The following CLSTN2 variants were observed in gnomAD, a reference collection of about 807,000 sequenced individuals.
CLSTN2 encodes calsyntenin-2.
Under a neutral mutation model 101.2 loss-of-function variants are expected in CLSTN2, and 48 were observed. The observed-to-expected ratio is 0.47, with a 90% CI of 0.38 to 0.60. CLSTN2 has a LOEUF of 0.60. Among genes scored for constraint, CLSTN2 ranks in the 20% least tolerant of loss-of-function variants. The probability of loss-of-function intolerance (pLI) is 0.00; values close to 1 mark genes in which losing one functional copy is unlikely to be tolerated. For synonymous variants in CLSTN2, 481 were observed against 463.6 expected (o/e 1.04, Z -0.48); for missense variants, 1,160 against 1,238.2 (o/e 0.94, Z 0.95).
chr3:139,938,809 T>G (rs947988409), intron 1 of CLSTN2, among the ~76,000 whole-genome samples: 25 of 152,302 alleles, frequency 1.6e-4, no homozygotes, highest in African/African-American at 6.0e-4. Context: ...TAGAGGTCAT[T>G]TGGAACAATA....
chr3:140,437,194 G>T (rs1209936726), intron 5 of CLSTN2, among the ~76,000 whole-genome samples: 1 of 151,890 alleles, frequency 6.6e-6, no homozygotes, highest in Non-Finnish European at 1.5e-5. Flanking sequence ...GACTAGAGTT[G>T]CCCACCACCA....
chr3:140,100,919 C>A (rs1284628253), intron 1 of CLSTN2, among the ~76,000 whole-genome samples: 2 of 152,146 alleles, frequency 1.3e-5, no homozygotes, highest in African/African-American at 2.4e-5. Context: ...AGAAGTCAAG[C>A]CTGCCTTTAT....
intron 11 of CLSTN2, 181 bp downstream of exon 11, chr3:140,556,842 G>A: frequency 1.7e-6 from 1 of 601,310 alleles, no homozygotes; most frequent in Non-Finnish European, 2.9e-6. Flanking sequence ...TCCTAAGCAA[G>A]ATGTTCTGTT....
At chr3:140,157,340 G>T (rs2009971993) in intron 1 of CLSTN2, among the ~76,000 whole-genome samples, 1 of 152,124 alleles carries the variant, frequency 6.6e-6, no homozygotes, top group African/African-American at 2.4e-5. Context: ...ATGTCTGGTA[G>T]AATTCAGCTG....
intron 1 of CLSTN2, among the ~76,000 whole-genome samples, chr3:140,174,926 G>T (rs995095553): frequency 5.9e-5 from 9 of 152,168 alleles, no homozygotes; most frequent in African/African-American, 2.2e-4. Context: ...CAAGGTGTTG[G>T]CAGGTCCAGG....
intron 1 of CLSTN2, among the ~76,000 whole-genome samples, chr3:140,076,951 C>T (rs1040761160): frequency 1.3e-5 from 2 of 152,242 alleles, no homozygotes; most frequent in South Asian, 4.1e-4. Context: ...AATATGCCCG[C>T]CCAGGCACTG....
intron 1 of CLSTN2, among the ~76,000 whole-genome samples, chr3:140,074,825 T>G (rs895550452): frequency 2.6e-5 from 4 of 152,206 alleles, no homozygotes; most frequent in African/African-American, 9.6e-5. Context: ...AAGTTCTCCT[T>G]GTGGGATCCA....
chr3:139,973,843 T>C (rs1935764851), intron 1 of CLSTN2, among the ~76,000 whole-genome samples: 1 of 152,114 alleles, frequency 6.6e-6, no homozygotes, highest in African/African-American at 2.4e-5. Flanking sequence ...TCTCTCTTTG[T>C]TGCCTAGGCT....
At chr3:140,398,508 A>G (rs902459317) in intron 2 of CLSTN2, among the ~76,000 whole-genome samples, 3 of 152,190 alleles carry the variant, frequency 2.0e-5, no homozygotes, top group Admixed American at 2.0e-4. Flanking sequence ...TAATATGATG[A>G]TCACTTTGAC....
chr3:140,143,643 G>A (rs1307870212), intron 1 of CLSTN2, among the ~76,000 whole-genome samples: 1 of 152,218 alleles, frequency 6.6e-6, no homozygotes, highest in East Asian at 1.9e-4. Context: ...CTCTGTTGTG[G>A]AGGGATGTTT....
At chr3:140,396,041 A>G (rs1474362682) in intron 2 of CLSTN2, among the ~76,000 whole-genome samples, 1 of 152,228 alleles carries the variant, frequency 6.6e-6, no homozygotes, top group East Asian at 1.9e-4. Context: ...AGTGTTTCTC[A>G]AAAGAACCCT....
chr3:140,019,659 T>C (rs1007477836), intron 1 of CLSTN2, among the ~76,000 whole-genome samples: 1 of 152,076 alleles, frequency 6.6e-6, no homozygotes, highest in African/African-American at 2.4e-5. Flanking sequence ...AAGGATATGA[T>C]TGGGTTTGCA....
intron 12 of CLSTN2, 57 bp from the exon 13 acceptor site, chr3:140,562,080 AG>A: frequency 6.6e-7 from 1 of 1,509,596 alleles, no homozygotes. Flanking sequence ...GTGATTAGCA[AG>A]GGCTGTTTTC....
At chr3:140,067,356 G>T (rs2008316902) in intron 1 of CLSTN2, among the ~76,000 whole-genome samples, 1 of 151,864 alleles carries the variant, frequency 6.6e-6, no homozygotes, top group Non-Finnish European at 1.5e-5. Context: ...CTCCATTGAT[G>T]GGGTGATTCA....
In CLSTN2 at chr3:140,448,513, G is replaced by C. The variant is rs369746081; in HGVS notation, c.788-6G>C. On this transcript the variant is annotated splice_region_variant and splice_polypyrimidine_tract_variant and intron_variant, in intron 5 of 16. Coordinates refer to ENST00000458420, the MANE Select transcript of CLSTN2 (RefSeq NM_022131.3). ...TTCACTTTTCATCCTTTCCTTGTTT[G>C]TTTAGACTGGACCAAGAGGATTGAG... is the stretch of plus-strand genomic sequence containing the variant. The C allele has an allele frequency of 6.2e-7, 1 of 1,608,600 alleles. No individual in the cohort carries two copies. The highest frequency in any genetic ancestry group is 8.5e-7 in the Non-Finnish European group (1 of 1,175,658).
chr3:140,455,971 G>T (rs1190048162), intron 6 of CLSTN2, among the ~76,000 whole-genome samples: 1 of 152,198 alleles, frequency 6.6e-6, no homozygotes, highest in Non-Finnish European at 1.5e-5. Context: ...TTATGGCTTT[G>T]CCAGGGCATA....
chr3:140,468,700 C>G (rs570476552), intron 8 of CLSTN2, among the ~76,000 whole-genome samples: 75 of 152,296 alleles, frequency 4.9e-4, no homozygotes, highest in Admixed American at 4.1e-3. Flanking sequence ...GTAGGACCTG[C>G]CCTTTCCATT....
At chr3:140,291,485 G>A (rs2086952672) in intron 2 of CLSTN2, among the ~76,000 whole-genome samples, 1 of 151,602 alleles carries the variant, frequency 6.6e-6, no homozygotes, top group Non-Finnish European at 1.5e-5. Flanking sequence ...TGCATTCTGT[G>A]ATTCCATTGT....
intron 2 of CLSTN2, among the ~76,000 whole-genome samples, chr3:140,368,994 G>A (rs756490779): frequency 6.6e-6 from 1 of 152,146 alleles, no homozygotes; most frequent in Non-Finnish European, 1.5e-5. Flanking sequence ...TGGTTAGCTT[G>A]CCTCCCTCAC....
Sources: allele counts gnomAD v4.1 joint callset (sites outside exome capture counted in the v4.1 genomes callset), GRCh38; gene constraint gnomAD v4.1.1; transcripts MANE v1.5; gene names NCBI Gene and HGNC (gene_info 2026-07-23, HGNC 2026-07-21).